Variants in PPARD observed in about 807,000 individuals in gnomAD.
PPARD encodes the protein peroxisome proliferator-activated receptor delta.
A neutral mutation model predicts 39.5 loss-of-function variants in PPARD; 6 were observed. The ratio of observed to expected loss-of-function variants is 0.15; its 90% CI spans 0.08 to 0.30. The LOEUF (loss-of-function observed/expected upper bound fraction) is 0.30, where lower values mean the gene tolerates loss of function less well. PPARD is among the 10% of genes least tolerant of loss of function. The pLI, the probability that PPARD is intolerant of heterozygous loss-of-function variation, is 1.00. For synonymous variants in PPARD, 210 were observed against 231.3 expected, an observed-to-expected ratio of 0.91 and a Z score of 0.83; for missense variants, 397 against 596.8, an observed-to-expected ratio of 0.67 and a Z score of 3.49.
chr6:35,365,856 A>AT (rs1762185484), intron 2 of PPARD, among the ~76,000 whole-genome samples: 1 of 151,746 alleles, frequency 6.6e-6, no homozygotes, highest in Non-Finnish European at 1.5e-5. Flanking sequence ...TTGGCAATGA[A>AT]TAACCTTGTC....
intron 2 of PPARD, among the ~76,000 whole-genome samples, chr6:35,400,111 C>G (rs931411891): frequency 2.0e-5 from 3 of 152,184 alleles, no homozygotes; most frequent in Non-Finnish European, 4.4e-5. Context: ...CATGTCTCCT[C>G]TCTCCCTGGG....
chr6:35,367,556 A>G lies in PPARD; in HGVS notation c.-102+20406A>G, dbSNP rs143411054. Among the ~76,000 whole-genome samples, 663 of 152,350 alleles carry G rather than the reference A, an allele frequency of 4.4e-3. 1 individual carries two copies. The highest frequency in any genetic ancestry group is 6.8e-3 in the Middle Eastern group (2 of 292). On this transcript the variant is annotated intron_variant, in intron 2 of 7. Coordinates refer to ENST00000360694, the MANE Select transcript of PPARD (RefSeq NM_006238.5). ...AGGAGAAACAGTGTTTCAGTTACCT[A>G]CTGCTGTGTAACAAATCACCTGTGA...
chr6:35,383,447 G>A (rs895832293), intron 2 of PPARD, among the ~76,000 whole-genome samples: 2 of 151,794 alleles, frequency 1.3e-5, no homozygotes, highest in Admixed American at 6.6e-5. Context: ...CTGCCCGGCC[G>A]CCACCCCGTC....
At chr6:35,402,181 A>G (rs984700287) in intron 2 of PPARD, among the ~76,000 whole-genome samples, 2 of 152,332 alleles carry the variant, frequency 1.3e-5, no homozygotes, top group Admixed American at 6.5e-5. Context: ...GGAAAATATA[A>G]TTAAGAAAAT....
At chr6:35,372,160 C>T (rs1366288240) in intron 2 of PPARD, among the ~76,000 whole-genome samples, 1 of 152,208 alleles carries the variant, frequency 6.6e-6, no homozygotes, top group Non-Finnish European at 1.5e-5. Context: ...CTGTGCCTGA[C>T]ACTCTGAGCT....
intron 2 of PPARD, among the ~76,000 whole-genome samples, chr6:35,349,525 G>A (rs191184194): frequency 3.5e-4 from 54 of 152,194 alleles, no homozygotes; most frequent in East Asian, 9.7e-4. Context: ...ACGTATTTGC[G>A]TTGGGATGCA....
intron 2 of PPARD, among the ~76,000 whole-genome samples, chr6:35,380,466 T>TG (rs1562190229): frequency 3.4e-4 from 41 of 121,506 alleles, no homozygotes; most frequent in African/African-American, 7.9e-4. Flanking sequence ...CGTGTTTTTT[T>TG]TTTTTGTTTG....
At position 35,385,089 on chromosome 6, in the gene PPARD, G is replaced by C. The variant is rs1418587937; in HGVS notation, c.-101-25898G>C. 2.7e-5 allele frequency among the ~76,000 whole-genome samples: 4 copies of C among 146,400 alleles called. No individual in the cohort carries two copies. The East Asian group carries it at 8.2e-4, about 30-fold the overall frequency. On this transcript the variant is annotated intron_variant, in intron 2 of 7. Transcript: ENST00000360694. ...GCCTCTGCCCGGCCGCCCCTACTGG[G>C]AAGTGAGGAGCCCCTCTGCCCGGCC...
In PPARD at chr6:35,422,551, C is replaced by T. The variant is rs191282513; in HGVS notation, c.424+593C>T. On this transcript the variant is annotated intron_variant, in intron 5 of 7. Transcript: ENST00000360694. ...CAAAGCCCACCTGTCCCCTCAGTACCTCTCTGAGTAAGACCCCTAGAGGAC... is the reference window on the plus strand; with the variant it reads ...CAAAGCCCACCTGTCCCCTCAGTACTTCTCTGAGTAAGACCCCTAGAGGAC... Among the ~76,000 whole-genome samples, 10 of 152,318 alleles carry T rather than the reference C, an allele frequency of 6.6e-5. No individual in the cohort carries two copies. The East Asian group carries it at 1.7e-3, about 26-fold the overall frequency.
At chr6:35,346,389 C>T (rs1247741506) in intron 1 of PPARD, among the ~76,000 whole-genome samples, 2 of 152,214 alleles carry the variant, frequency 1.3e-5, no homozygotes, top group Non-Finnish European at 2.9e-5. Context: ...GGGCTTTGTC[C>T]GTTCTGCCAG....
intron 2 of PPARD, among the ~76,000 whole-genome samples, chr6:35,355,471 A>C (rs1488129452): frequency 6.8e-6 from 1 of 147,596 alleles, no homozygotes; most frequent in Admixed American, 6.8e-5. Context: ...AGAATCACTC[A>C]AGCCGAGGAG....
rs144000604 is a variant in PPARD at position 35,389,920 on chromosome 6, C to T, written c.-101-21067C>T. Among the ~76,000 whole-genome samples the T allele has an allele frequency of 1.3e-3, 197 of 152,294 alleles. 1 individual carries two copies. The highest frequency in any genetic ancestry group is 4.3e-3 in the African/African-American group (178 of 41,566). On this transcript the variant is annotated intron_variant, in intron 2 of 7. Coordinates refer to ENST00000360694, the MANE Select transcript of PPARD (RefSeq NM_006238.5). ...GGCCCTGGTGACTTTCTTTGCCCCTCTCCACTCTTACAGTCATTGGAACCA... is the reference window on the plus strand; with the variant it reads ...GGCCCTGGTGACTTTCTTTGCCCCTTTCCACTCTTACAGTCATTGGAACCA...
chr6:35,376,466 T>G (rs1762821143), intron 2 of PPARD, among the ~76,000 whole-genome samples: 1 of 152,198 alleles, frequency 6.6e-6, no homozygotes, highest in Admixed American at 6.5e-5. Context: ...TTGCCCCTCT[T>G]GGTGGTTTAT....
chr6:35,403,918 G>A lies in PPARD; in HGVS notation c.-101-7069G>A, dbSNP rs187076531. ...ATGAGGCACATAGGCAGGCAGAGCA[G>A]GAGGATAGGCCTGGAGAGGGAGGCA... On this transcript the variant is annotated intron_variant, in intron 2 of 7. Transcript: ENST00000360694. 9.8e-4 allele frequency among the ~76,000 whole-genome samples: 149 copies of A among 152,356 alleles called. 1 individual carries two copies. Among genetic ancestry groups the A allele is most frequent in the African/African-American group, 3.5e-3 (144 of 41,586 alleles).
chr6:35,414,624 T>TA (rs1203437488), intron 3 of PPARD, among the ~76,000 whole-genome samples: 1 of 152,138 alleles, frequency 6.6e-6, no homozygotes, highest in Non-Finnish European at 1.5e-5. Context: ...TCTTCACCTT[T>TA]ATAGGCTGTG....
At chr6:35,422,032 G>C in intron 5 of PPARD, 74 bp downstream of exon 5, 1 of 1,498,122 alleles carries the variant, frequency 6.7e-7, no homozygotes, top group Non-Finnish European at 8.9e-7. Flanking sequence ...GGAGCCCTTG[G>C]GGCAGCCTAG....
chr6:35,423,424 C>T (rs1360677311), intron 5 of PPARD, among the ~76,000 whole-genome samples: 1 of 151,468 alleles, frequency 6.6e-6, no homozygotes, highest in Non-Finnish European at 1.5e-5. Context: ...ATCCCAGCTA[C>T]TCGGGAGGCT....
At chr6:35,368,313 TG>T (rs1404904209) in intron 2 of PPARD, among the ~76,000 whole-genome samples, 2 of 152,234 alleles carry the variant, frequency 1.3e-5, no homozygotes, top group Non-Finnish European at 2.9e-5. Context: ...CTGCGCTTAG[TG>T]GCCTTTTGAT....
intron 2 of PPARD, among the ~76,000 whole-genome samples, chr6:35,374,680 A>C (rs1386003579): frequency 6.6e-6 from 1 of 150,910 alleles, no homozygotes; most frequent in Non-Finnish European, 1.5e-5. Context: ...AAAGAAAAGG[A>C]AAAATATGTA....
Sources: allele counts gnomAD v4.1 joint callset (sites outside exome capture counted in the v4.1 genomes callset), GRCh38; gene constraint gnomAD v4.1.1; transcripts MANE v1.5; gene names NCBI Gene and HGNC (gene_info 2026-07-23, HGNC 2026-07-21).